Variants in FBXO42 observed in about 807,000 individuals in gnomAD.
The protein encoded by FBXO42 is F-box only protein 42.
Under a neutral mutation model 71.7 loss-of-function variants are expected in FBXO42, and 12 were observed. That is an observed-to-expected ratio of 0.17 (90% confidence interval 0.11 to 0.27). The LOEUF is 0.27. Ranked by LOEUF, FBXO42 falls within the 10% of genes least tolerant of loss-of-function variation. The pLI, the probability that FBXO42 is intolerant of heterozygous loss-of-function variation, is 1.00. For missense variants in FBXO42, 707 were observed against 911.9 expected (o/e 0.78, Z 2.89); for synonymous variants, 325 against 327.5 (o/e 0.99, Z 0.08).
At chr1:16,259,165 C>G (rs1305580691) in intron 4 of FBXO42, among the ~76,000 whole-genome samples, 1 of 152,264 alleles carries the variant, frequency 6.6e-6, no homozygotes. Flanking sequence ...TGTTCCTGGT[C>G]AAAAACATTT....
intron 4 of FBXO42, among the ~76,000 whole-genome samples, chr1:16,262,626 G>C (rs1048880607): frequency 1.3e-5 from 2 of 152,148 alleles, no homozygotes; most frequent in African/African-American, 2.4e-5. Context: ...GGAGGTGGAG[G>C]TTGCAGTGAG....
intron 1 of FBXO42, among the ~76,000 whole-genome samples, chr1:16,331,525 T>A (rs1178885890): frequency 7.9e-5 from 11 of 139,428 alleles, no homozygotes; most frequent in African/African-American, 3.0e-4. Context: ...GAGGCCAAGG[T>A]GGGTGGATCA....
intron 1 of FBXO42, among the ~76,000 whole-genome samples, chr1:16,350,740 C>G (rs2082692315): frequency 2.0e-4 from 1 of 5,050 alleles, no homozygotes; most frequent in Non-Finnish European, 4.3e-4. Flanking sequence ...GAGTGAGAAA[C>G]TGCAAAAAAA....
intron 2 of FBXO42, among the ~76,000 whole-genome samples, chr1:16,313,320 A>AAAAC (rs1553153850): frequency 5.4e-5 from 6 of 110,224 alleles, no homozygotes; most frequent in South Asian, 6.2e-4. Flanking sequence ...AAGAGAAAAG[A>AAAAC]AAACAAAGAA....
chr1:16,339,537 T>A (rs2082583327), intron 1 of FBXO42, among the ~76,000 whole-genome samples: 1 of 151,568 alleles, frequency 6.6e-6, no homozygotes, highest in Admixed American at 6.6e-5. Flanking sequence ...GGTCTTGATG[T>A]CTTGACCTCA....
chr1:16,325,772 T>C (rs928939220), intron 1 of FBXO42, among the ~76,000 whole-genome samples: 4 of 151,932 alleles, frequency 2.6e-5, no homozygotes, highest in African/African-American at 9.7e-5. Flanking sequence ...ATTATAGGCA[T>C]GCGTCACCAC....
chr1:16,297,996 C>T lies in FBXO42; in HGVS notation c.368-3079G>A, dbSNP rs184049567. ...ATCCCAGCACTTTGGGAGGCTGAGG[C>T]GGGTGGATCACTTGAGGTCAGGAGT... On this transcript the variant is annotated intron_variant, in intron 3 of 9. Coordinates refer to ENST00000375592, the MANE Select transcript of FBXO42 (RefSeq NM_018994.3). Among the ~76,000 whole-genome samples, 3 of 152,012 alleles carry T rather than the reference C, an allele frequency of 2.0e-5. No homozygotes were observed. The East Asian group carries it at 5.8e-4, about 29-fold the overall frequency.
intron 4 of FBXO42, among the ~76,000 whole-genome samples, chr1:16,260,357 T>C (rs1167974251): frequency 2.6e-5 from 4 of 151,868 alleles, no homozygotes; most frequent in African/African-American, 9.7e-5. Context: ...TACAGGCGTA[T>C]ACTGCCACGC....
In FBXO42 at chr1:16,285,330, A is replaced by G. The variant is rs539533495; in HGVS notation, c.502+9453T>C. On this transcript the variant is annotated intron_variant, in intron 4 of 9. Coordinates refer to ENST00000375592, the MANE Select transcript of FBXO42 (RefSeq NM_018994.3). ...GCTCTGTTGCCCAGGCTGGAGTGCA[A>G]TGGTGCAATCTCGGCTCACTGCAAC... is the stretch of plus-strand genomic sequence containing the variant. Among the ~76,000 whole-genome samples the G allele has an allele frequency of 2.6e-5, 4 of 151,192 alleles. No individual in the cohort carries two copies. The South Asian group carries it at 8.5e-4, about 32-fold the overall frequency.
chr1:16,277,343 C>T (rs544592846), intron 4 of FBXO42, among the ~76,000 whole-genome samples: 5 of 152,244 alleles, frequency 3.3e-5, no homozygotes, highest in East Asian at 1.9e-4. Context: ...AAAGCAGAAT[C>T]GAATAGTGAC....
intron 4 of FBXO42, among the ~76,000 whole-genome samples, chr1:16,266,876 C>A (rs7523733): frequency 1.3e-5 from 2 of 152,086 alleles, no homozygotes; most frequent in African/African-American, 2.4e-5. Context: ...TGGAGGATAG[C>A]GTGGCACATA....
intron 3 of FBXO42, among the ~76,000 whole-genome samples, chr1:16,296,077 A>C (rs1360183744): frequency 6.6e-6 from 1 of 152,172 alleles, no homozygotes; most frequent in Admixed American, 6.6e-5. Flanking sequence ...CAAAAACTAC[A>C]AAGACCAAAG....
At chr1:16,326,158 C>T (rs531089947) in intron 1 of FBXO42, among the ~76,000 whole-genome samples, 10 of 151,568 alleles carry the variant, frequency 6.6e-5, no homozygotes, top group South Asian at 2.1e-4. Flanking sequence ...TGAGTTCAAG[C>T]GATTCTCCTG....
intron 1 of FBXO42, among the ~76,000 whole-genome samples, chr1:16,342,928 C>T (rs1264877222): frequency 1.3e-5 from 2 of 152,110 alleles, no homozygotes; most frequent in East Asian, 3.9e-4. Context: ...ATTCACATGT[C>T]AACTTCCCCT....
chr1:16,339,653 A>G (rs1332467945), intron 1 of FBXO42, among the ~76,000 whole-genome samples: 1 of 149,386 alleles, frequency 6.7e-6, no homozygotes, highest in Non-Finnish European at 1.5e-5. Context: ...ACCAGATTAC[A>G]CATTTTTGGT....
intron 4 of FBXO42, among the ~76,000 whole-genome samples, chr1:16,284,685 A>T (rs1215158181): frequency 1.3e-5 from 2 of 152,050 alleles, no homozygotes; most frequent in Non-Finnish European, 2.9e-5. Flanking sequence ...CAAAAAAATT[A>T]GGCCAGGCGC....
chr1:16,270,874 C>T (rs2081836228), intron 4 of FBXO42, among the ~76,000 whole-genome samples: 1 of 150,984 alleles, frequency 6.6e-6, no homozygotes, highest in African/African-American at 2.4e-5. Flanking sequence ...AAGCCCTCAG[C>T]CCCAGGAAGC....
chr1:16,258,330 C>A (rs1052856278), intron 4 of FBXO42, among the ~76,000 whole-genome samples: 11 of 151,620 alleles, frequency 7.3e-5, no homozygotes, highest in African/African-American at 2.7e-4. Flanking sequence ...CTAAGAACAC[C>A]ATGTGGCATC....
At chr1:16,331,422 AAATAATAATAAT>A (rs200267691) in intron 1 of FBXO42, among the ~76,000 whole-genome samples, 13 of 145,684 alleles carry the variant, frequency 8.9e-5, no homozygotes, top group Non-Finnish European at 1.2e-4. Context: ...CTCAAAAAGA[AAATAATAATAAT>A]AATAATAATA....
Sources: allele counts gnomAD v4.1 joint callset (sites outside exome capture counted in the v4.1 genomes callset), GRCh38; gene constraint gnomAD v4.1.1; transcripts MANE v1.5; gene names NCBI Gene and HGNC (gene_info 2026-07-23, HGNC 2026-07-21).